Variants in BBS9 observed in about 807,000 individuals in gnomAD.
BBS9 encodes the protein protein PTHB1.
In BBS9, 89 loss-of-function variants were observed where a neutral mutation model predicts 117.7. That is an observed-to-expected ratio of 0.76 (90% CI 0.64 to 0.90). The LOEUF is 0.90. BBS9 is among the 40% of genes least tolerant of loss of function. The probability of loss-of-function intolerance (pLI) is 0.00; values close to 1 mark genes in which losing one functional copy is unlikely to be tolerated. For synonymous variants in BBS9, 379 were observed against 370.9 expected (o/e 1.02, Z -0.25); for missense variants, 982 against 1,042.2 (o/e 0.94, Z 0.80).
intron 21 of BBS9, among the ~76,000 whole-genome samples, chr7:33,581,094 G>C (rs955426243): frequency 1.2e-4 from 17 of 139,970 alleles, no homozygotes; most frequent in Admixed American, 1.1e-3. Context: ...GTGTGTGTGT[G>C]TGAGAGAGAG....
At chr7:33,484,859 C>A (rs1247501539) in intron 19 of BBS9, among the ~76,000 whole-genome samples, 1 of 152,114 alleles carries the variant, frequency 6.6e-6, no homozygotes, top group African/African-American at 2.4e-5. Context: ...TTCATTGCAG[C>A]ACTATTCACA....
intron 1 of BBS9, among the ~76,000 whole-genome samples, chr7:33,138,959 A>T (rs76203203): frequency 6.6e-6 from 1 of 151,232 alleles, no homozygotes; most frequent in Non-Finnish European, 1.5e-5. Context: ...GTTAGAAGTT[A>T]ATGAGAAATG....
chr7:33,614,731 G>A lies in BBS9; in HGVS notation c.2522-20446G>A, dbSNP rs73690952. ...AAAACTCCAGAAGACCCAGTCATAA[G>A]GGAGCCTCCACACTTTCATGAGTTT... On this transcript the variant is annotated intron_variant, in intron 21 of 21. Transcript: ENST00000671952. 4.6e-3 allele frequency among the ~76,000 whole-genome samples: 701 copies of A among 152,174 alleles called. 7 individuals are homozygous for A. Among genetic ancestry groups the A allele is most frequent in the African/African-American group, 0.016 (671 of 41,518 alleles).
intron 9 of BBS9, among the ~76,000 whole-genome samples, chr7:33,295,558 A>C (rs1246734156): frequency 6.6e-6 from 1 of 151,978 alleles, no homozygotes; most frequent in East Asian, 1.9e-4. Context: ...TAAAAAAAAT[A>C]GTCTATTATT....
intron 9 of BBS9, among the ~76,000 whole-genome samples, chr7:33,284,093 T>C (rs1175289402): frequency 6.6e-6 from 1 of 152,202 alleles, no homozygotes; most frequent in African/African-American, 2.4e-5. Flanking sequence ...TCACTCCTTC[T>C]GTATCCCATG....
chr7:33,253,697 TC>T (rs1200266847), intron 5 of BBS9, among the ~76,000 whole-genome samples: 1 of 152,188 alleles, frequency 6.6e-6, no homozygotes, highest in Admixed American at 6.5e-5. Flanking sequence ...GGCTCTGCTG[TC>T]CACAATACGT....
chr7:33,271,429 A>G (rs935962992), intron 7 of BBS9, among the ~76,000 whole-genome samples: 1 of 152,208 alleles, frequency 6.6e-6, no homozygotes, highest in Non-Finnish European at 1.5e-5. Flanking sequence ...GGCAAACTGG[A>G]TCAAAAAGCA....
intron 9 of BBS9, among the ~76,000 whole-genome samples, chr7:33,331,936 G>T (rs1368541438): frequency 6.6e-6 from 1 of 152,072 alleles, no homozygotes; most frequent in African/African-American, 2.4e-5. Context: ...ATTCTTCGCA[G>T]AACTAGAAAA....
intron 21 of BBS9, among the ~76,000 whole-genome samples, chr7:33,540,837 T>A (rs2129070165): frequency 6.6e-6 from 1 of 152,330 alleles, no homozygotes; most frequent in Middle Eastern, 3.4e-3. Context: ...CCCTCCCATC[T>A]CTGTATCTCC....
chr7:33,551,871 C>T (rs1854478333), intron 21 of BBS9, among the ~76,000 whole-genome samples: 1 of 152,060 alleles, frequency 6.6e-6, no homozygotes, highest in Non-Finnish European at 1.5e-5. Flanking sequence ...TTATTTGAGA[C>T]AGATTCCTTT....
chr7:33,361,290 G>C (rs1584489137), intron 16 of BBS9, among the ~76,000 whole-genome samples: 1 of 152,276 alleles, frequency 6.6e-6, no homozygotes, highest in South Asian at 2.1e-4. Flanking sequence ...CAGATAAAAT[G>C]TCATTTGATA....
intron 4 of BBS9, among the ~76,000 whole-genome samples, chr7:33,165,057 G>C (rs1274792968): frequency 6.6e-6 from 1 of 152,152 alleles, no homozygotes; most frequent in East Asian, 1.9e-4. Flanking sequence ...TTGCTTGTCT[G>C]TAAAGAATTT....
intron 19 of BBS9, among the ~76,000 whole-genome samples, chr7:33,410,651 G>A (rs1008626859): frequency 1.3e-5 from 2 of 152,078 alleles, no homozygotes; most frequent in Non-Finnish European, 2.9e-5. Flanking sequence ...GATCAGGTAC[G>A]TTATTTCTCT....
intron 21 of BBS9, among the ~76,000 whole-genome samples, chr7:33,579,739 T>G (rs1859553905): frequency 6.6e-6 from 1 of 152,158 alleles, no homozygotes; most frequent in Non-Finnish European, 1.5e-5. Flanking sequence ...CAAGACAGAT[T>G]AGAGAATTAC....
intron 20 of BBS9, among the ~76,000 whole-genome samples, chr7:33,506,485 G>A (rs1047529450): frequency 6.6e-6 from 1 of 152,138 alleles, no homozygotes; most frequent in African/African-American, 2.4e-5. Flanking sequence ...CAGGTGTTAA[G>A]TGTTTTGTAA....
chr7:33,409,724 A>G (rs546457429), intron 19 of BBS9, among the ~76,000 whole-genome samples: 14 of 152,314 alleles, frequency 9.2e-5, no homozygotes, highest in Middle Eastern at 6.8e-3. Context: ...GTGTAGTGGT[A>G]GCTCATTGTG....
At chr7:33,157,431 A>G (rs1178172164) in intron 4 of BBS9, among the ~76,000 whole-genome samples, 1 of 152,210 alleles carries the variant, frequency 6.6e-6, no homozygotes, top group South Asian at 2.1e-4. Context: ...GGAGTTGTCC[A>G]AACTACATTC....
At chr7:33,351,381 A>T in intron 14 of BBS9, 58 bp downstream of exon 14, 3 of 1,147,852 alleles carry the variant, frequency 2.6e-6, no homozygotes, top group Non-Finnish European at 4.0e-6. Context: ...TAAAATGCTT[A>T]TGCATTTAAG....
chr7:33,408,978 CAT>C (rs1467614619), intron 19 of BBS9, among the ~76,000 whole-genome samples: 1 of 152,146 alleles, frequency 6.6e-6, no homozygotes, highest in Non-Finnish European at 1.5e-5. Flanking sequence ...AACATTTATT[CAT>C]ATGTTTGTTG....
Sources: allele counts gnomAD v4.1 joint callset (sites outside exome capture counted in the v4.1 genomes callset), GRCh38; gene constraint gnomAD v4.1.1; transcripts MANE v1.5; gene names NCBI Gene and HGNC (gene_info 2026-07-23, HGNC 2026-07-21).